The following OMA1 variants were observed in gnomAD, a reference collection of about 807,000 sequenced individuals.
OMA1 encodes the protein OMA1 zinc metallopeptidase, also known as metalloendopeptidase OMA1, mitochondrial.
OMA1 carries 38 observed loss-of-function variants against 30.9 expected under a neutral mutation model. That is an observed-to-expected ratio of 1.23 (90% confidence interval 0.95 to 1.61). The LOEUF (loss-of-function observed/expected upper bound fraction) is 1.61. Among genes scored for constraint, OMA1 ranks in the 40% most tolerant of loss-of-function variants. OMA1 has a pLI of 0.00. For synonymous variants in OMA1, 173 were observed against 121.9 expected, an observed-to-expected ratio of 1.42 and a Z score of -2.76; for missense variants, 461 against 349.2, an observed-to-expected ratio of 1.32 and a Z score of -2.55.
intron 8 of OMA1, among the ~76,000 whole-genome samples, chr1:58,495,283 G>A (rs1054974740): frequency 6.6e-6 from 1 of 152,096 alleles, no homozygotes. Context: ...GTGGGAGGAG[G>A]AGGGAGGGAT....
intron 8 of OMA1, among the ~76,000 whole-genome samples, chr1:58,500,348 G>A: frequency 6.6e-6 from 1 of 152,142 alleles, no homozygotes; most frequent in East Asian, 1.9e-4. Flanking sequence ...GTGTATGTTT[G>A]TGTACACTGG....
chr1:58,526,343 T>C (rs1646349582), intron 7 of OMA1, among the ~76,000 whole-genome samples: 2 of 152,020 alleles, frequency 1.3e-5, no homozygotes, highest in Admixed American at 6.5e-5. Context: ...TTATGAGAGG[T>C]TCAAATAAAA....
intron 1 of OMA1, among the ~76,000 whole-genome samples, chr1:58,539,633 G>A (rs1646572976): frequency 6.6e-6 from 1 of 152,186 alleles, no homozygotes; most frequent in Non-Finnish European, 1.5e-5. Context: ...AAAAACAACA[G>A]TAAAACTTTA....
At chr1:58,528,770 T>C (rs1014514243) in intron 6 of OMA1, among the ~76,000 whole-genome samples, 1 of 152,180 alleles carries the variant, frequency 6.6e-6, no homozygotes, top group African/African-American at 2.4e-5. Flanking sequence ...ACTATCAACA[T>C]TCCTCTCTGC....
intron 8 of OMA1, among the ~76,000 whole-genome samples, chr1:58,495,236 A>G (rs193022441): frequency 3.5e-4 from 54 of 152,248 alleles, no homozygotes; most frequent in African/African-American, 1.2e-3. Flanking sequence ...ACATGGACAC[A>G]GGAAGGGGAA....
In OMA1 at chr1:58,534,246, T is replaced by C. The variant is rs139938730; in HGVS notation, c.815A>G (p.Glu272Gly). ...AVKEVLCHLI[E>G]CNKDVPGISQ... ...GATCCCTGGAACATCTTTATTGCAT[T>C]CAATTAGATGACAAAGCACTTCTTT... The change falls in exon 4 of 9, where the codon GAA becomes GGA. Residue 272 changes from glutamate (E) to glycine (G), a missense_variant. Physicochemically the swap from Glu to Gly is moderately conservative, Grantham distance 98. Coordinates refer to ENST00000371226, the MANE Select transcript of OMA1 (RefSeq NM_145243.5). 1,454 of 871,882 alleles carry C rather than the reference T, an allele frequency of 1.7e-3. 3 individuals are homozygous for C. The highest frequency in any genetic ancestry group is 2.4e-3 in the Non-Finnish European group (1,195 of 501,508). 54.0% of individuals were successfully genotyped at this position (871,882 alleles called of 1,614,324 possible).
intron 7 of OMA1, among the ~76,000 whole-genome samples, chr1:58,526,931 CATGTCTA>C (rs1442335209): frequency 2.6e-4 from 39 of 152,236 alleles, no homozygotes; most frequent in African/African-American, 8.9e-4. Context: ...TTGTATGTTT[CATGTCTA>C]TGATCAAAAA....
chr1:58,485,905 G>T (rs1374627383), intron 8 of OMA1, among the ~76,000 whole-genome samples: 5 of 152,108 alleles, frequency 3.3e-5, no homozygotes, highest in African/African-American at 1.2e-4. Flanking sequence ...AATACTCTTA[G>T]GAGTTTATGG....
At chr1:58,532,805 T>C (rs1483634695) in intron 5 of OMA1, among the ~76,000 whole-genome samples, 1 of 152,188 alleles carries the variant, frequency 6.6e-6, no homozygotes, top group Non-Finnish European at 1.5e-5. Context: ...GGATTACAGG[T>C]ATAAGCCACT....
intron 8 of OMA1, among the ~76,000 whole-genome samples, chr1:58,498,109 T>A (rs1304226236): frequency 6.6e-6 from 1 of 152,134 alleles, no homozygotes; most frequent in Non-Finnish European, 1.5e-5. Context: ...ATGGGACAGA[T>A]GAAGCAAGTG....
intron 8 of OMA1, among the ~76,000 whole-genome samples, chr1:58,495,042 GGATT>G (rs1431708416): frequency 6.6e-6 from 1 of 152,156 alleles, no homozygotes; most frequent in African/African-American, 2.4e-5. Context: ...ATGATAGACT[GGATT>G]AAGAAAATGT....
At position 58,494,257 on chromosome 1, in the gene OMA1, T is replaced by A. The variant is rs201716275; in HGVS notation, c.1365+11803A>T. 1.5e-4 allele frequency among the ~76,000 whole-genome samples: 23 copies of A among 151,884 alleles called. No individual in the cohort carries two copies. In the East Asian group the frequency reaches 3.1e-3, roughly 20 times the overall value. ...TGGATCCCTTCCTTACACCTTATAC[T>A]AAAATTAATTCAAGATGGATTAAAG... On this transcript the variant is annotated intron_variant, in intron 8 of 8. Transcript: ENST00000371226.
chr1:58,522,710 A>T (rs1646284054), intron 7 of OMA1, among the ~76,000 whole-genome samples: 1 of 152,244 alleles, frequency 6.6e-6, no homozygotes. Context: ...CCAGTAACAC[A>T]GTAAATTAAC....
At chr1:58,528,706 C>T (rs1646388336) in intron 6 of OMA1, among the ~76,000 whole-genome samples, 1 of 152,164 alleles carries the variant, frequency 6.6e-6, no homozygotes, top group African/African-American at 2.4e-5. Flanking sequence ...TTAAATGTGT[C>T]ATTCGGTCCT....
chr1:58,482,369 G>C (rs1050605285), intron 8 of OMA1, among the ~76,000 whole-genome samples: 2 of 152,198 alleles, frequency 1.3e-5, no homozygotes, highest in African/African-American at 4.8e-5. Flanking sequence ...TGATGGCAGG[G>C]TTGAGGGACT....
intron 1 of OMA1, among the ~76,000 whole-genome samples, chr1:58,544,994 C>T (rs375012163): frequency 6.6e-6 from 1 of 152,122 alleles, no homozygotes. Flanking sequence ...TACTGCACTG[C>T]GAAGTGTTGG....
At chr1:58,537,405 T>C (rs914815668) in intron 2 of OMA1, among the ~76,000 whole-genome samples, 1 of 152,204 alleles carries the variant, frequency 6.6e-6, no homozygotes, top group Non-Finnish European at 1.5e-5. Context: ...AAATAAATAG[T>C]GCTCAGTAGC....
rs533982906 is a variant in OMA1 at position 58,493,261 on chromosome 1, G to A, written c.1366-12087C>T. Among the ~76,000 whole-genome samples, 28 of 152,190 alleles carry A rather than the reference G, an allele frequency of 1.8e-4. 2 individuals are homozygous for A. Among genetic ancestry groups the A allele is most frequent in the Admixed American group, 5.2e-4 (8 of 15,286 alleles). ...TCAATAAATTAGGTATTGATGGGAC[G>A]TATCTCAAAATAGTAAGAGCTATTT... is the stretch of plus-strand genomic sequence containing the variant. On this transcript the variant is annotated intron_variant, in intron 8 of 8. Transcript: ENST00000371226.
Position 58,539,240 on chromosome 1 carries a change from A to G in OMA1, c.55T>C (p.Phe19Leu). ...SAARNHVFFR[F>L]NSLSNWRKCN... ...TTTCTCCAGTTAGACAGTGAATTAAATCGGAAGAAAACATGGTTTCTAGCA... is the reference window on the plus strand; with the variant it reads ...TTTCTCCAGTTAGACAGTGAATTAAGTCGGAAGAAAACATGGTTTCTAGCA... The change falls in exon 2 of 9, where the codon TTT becomes CTT. Residue 19 changes from phenylalanine (F) to leucine (L), a missense_variant. Transcript: ENST00000371226. The G allele has an allele frequency of 1.1e-6, 1 of 870,732 alleles. No homozygotes were observed. Among genetic ancestry groups the G allele is most frequent in the South Asian group, 1.3e-5 (1 of 75,706 alleles). The allele number at this position is 870,732 out of a possible 1,614,324, so 53.9% of individuals were successfully genotyped here. A position where few individuals can be genotyped will look rare whatever the true frequency, so the allele number is the denominator to read the frequency against.
Sources: gnomAD v4.1 joint callset for allele counts (sites outside exome capture counted in the v4.1 genomes callset) on GRCh38, gnomAD v4.1.1 for gene constraint, MANE v1.5 for transcripts, NCBI Gene and HGNC (gene_info 2026-07-23, HGNC 2026-07-21) for gene names.